DNM3: variants seen among roughly 807,000 people sequenced by gnomAD.
The protein encoded by DNM3 is dynamin-3.
In DNM3, 47 loss-of-function variants were observed where a neutral mutation model predicts 101.6. The observed-to-expected ratio is 0.46, with a 90% CI of 0.37 to 0.59. The LOEUF (loss-of-function observed/expected upper bound fraction) is 0.59, where lower values mean the gene tolerates loss of function less well. DNM3 is among the 20% of genes least tolerant of loss of function. The probability of loss-of-function intolerance (pLI) is 0.00; values close to 1 mark genes in which losing one functional copy is unlikely to be tolerated. For missense variants in DNM3, 849 were observed against 1,085.7 expected, an observed-to-expected ratio of 0.78 and a Z score of 3.06; for synonymous variants, 385 against 387.9, an observed-to-expected ratio of 0.99 and a Z score of 0.09.
At chr1:172,232,608 C>G (rs566139723) in intron 14 of DNM3, among the ~76,000 whole-genome samples, 3 of 152,330 alleles carry the variant, frequency 2.0e-5, no homozygotes, top group Admixed American at 1.3e-4. Context: ...CCACACCACA[C>G]TTGTTCCAAA....
intron 14 of DNM3, among the ~76,000 whole-genome samples, chr1:172,246,037 G>A (rs536847948): frequency 1.3e-5 from 2 of 152,272 alleles, no homozygotes; most frequent in South Asian, 2.1e-4. Flanking sequence ...ATGGTGGCAG[G>A]AGAGAGAAAG....
chr1:171,922,077 A>T (rs981140163), intron 2 of DNM3, among the ~76,000 whole-genome samples: 1 of 152,010 alleles, frequency 6.6e-6, no homozygotes, highest in Non-Finnish European at 1.5e-5. Context: ...ATCCATCTAT[A>T]TAATTTTACA....
intron 18 of DNM3, among the ~76,000 whole-genome samples, chr1:172,382,395 C>T (rs112527443): frequency 3.3e-5 from 5 of 152,152 alleles, no homozygotes; most frequent in Non-Finnish European, 7.4e-5. Context: ...AAAATGTGTT[C>T]GGTGTGGCAA....
intron 1 of DNM3, among the ~76,000 whole-genome samples, chr1:171,870,151 G>C (rs1026143768): frequency 3.3e-5 from 5 of 152,130 alleles, no homozygotes; most frequent in African/African-American, 1.2e-4. Context: ...TAGCACGTTT[G>C]CTATTACATT....
rs573369888 is a variant in DNM3 at position 172,040,653 on chromosome 1, T to C, written c.993-1356T>C. Among the ~76,000 whole-genome samples, 6 of 152,218 alleles carry C rather than the reference T, an allele frequency of 3.9e-5. No homozygotes were observed. In the East Asian group the frequency reaches 5.8e-4, roughly 15 times the overall value. On this transcript the variant is annotated intron_variant, in intron 7 of 20. Transcript: ENST00000627582. ...TGACTAATAGACATGGCAATGTTAA[T>C]GTACTGTGCCAAATGCTCTGCAGGA... is the stretch of plus-strand genomic sequence containing the variant.
chr1:172,036,233 C>A (rs1326455834), intron 6 of DNM3, among the ~76,000 whole-genome samples: 1 of 143,000 alleles, frequency 7.0e-6, no homozygotes, highest in East Asian at 2.1e-4. Flanking sequence ...TCAATTCCCA[C>A]CTATGAGTGA....
intron 7 of DNM3, among the ~76,000 whole-genome samples, chr1:172,040,825 G>C (rs1344446059): frequency 1.3e-5 from 2 of 151,576 alleles, no homozygotes; most frequent in Admixed American, 1.3e-4. Context: ...AAGGGACAGA[G>C]AGAATGGTGT....
chr1:171,940,249 C>T (rs1465959079), intron 2 of DNM3, among the ~76,000 whole-genome samples: 1 of 152,098 alleles, frequency 6.6e-6, no homozygotes, highest in Non-Finnish European at 1.5e-5. Flanking sequence ...TCCTGCAAGC[C>T]TGGTGGAATT....
chr1:171,845,631 T>C (rs2031959773), intron 1 of DNM3, among the ~76,000 whole-genome samples: 1 of 152,248 alleles, frequency 6.6e-6, no homozygotes, highest in African/African-American at 2.4e-5. Context: ...CCTTGCCTCA[T>C]TTCACAGAAG....
chr1:172,391,484 C>G (rs908795267), intron 20 of DNM3, among the ~76,000 whole-genome samples: 1 of 151,856 alleles, frequency 6.6e-6, no homozygotes, highest in Non-Finnish European at 1.5e-5. Context: ...CAAATACAAG[C>G]CAGAAATGGG....
intron 2 of DNM3, among the ~76,000 whole-genome samples, chr1:171,941,320 C>T (rs2041797615): frequency 6.6e-6 from 1 of 152,034 alleles, no homozygotes; most frequent in South Asian, 2.1e-4. Flanking sequence ...GGTATTTATT[C>T]TCACCTGTTG....
At chr1:172,052,392 G>C (rs183193169) in intron 10 of DNM3, among the ~76,000 whole-genome samples, 3 of 152,160 alleles carry the variant, frequency 2.0e-5, no homozygotes, top group South Asian at 4.2e-4. Flanking sequence ...ATATATCTAT[G>C]TCTGTCCTAA....
intron 1 of DNM3, among the ~76,000 whole-genome samples, chr1:171,861,006 G>T (rs911450740): frequency 6.6e-6 from 1 of 151,978 alleles, no homozygotes; most frequent in Non-Finnish European, 1.5e-5. Context: ...TTTAACTGAA[G>T]ATATTAATCA....
At chr1:171,987,628 T>C in intron 2 of DNM3, 28 bp from the exon 3 acceptor site, 1 of 1,539,026 alleles carries the variant, frequency 6.5e-7, no homozygotes, top group Non-Finnish European at 8.7e-7. Context: ...TGAATTTAAG[T>C]TGTGTCATTT....
chr1:171,877,309 T>C (rs1396403708), intron 1 of DNM3, among the ~76,000 whole-genome samples: 1 of 152,208 alleles, frequency 6.6e-6, no homozygotes, highest in African/African-American at 2.4e-5. Flanking sequence ...AAACATATTC[T>C]TAAATGAAAT....
chr1:172,254,184 C>T lies in DNM3; in HGVS notation c.1769+502C>T, dbSNP rs190053187. 3.9e-5 allele frequency among the ~76,000 whole-genome samples: 6 copies of T among 152,206 alleles called. No homozygotes were observed. The East Asian group carries it at 9.6e-4, about 24-fold the overall frequency. ...CAAGAGATTCTCCTGCCTTGGCCTC[C>T]CAAAGTGCTGGGATTACAGGCATGA... On this transcript the variant is annotated intron_variant, in intron 15 of 20. Transcript: ENST00000627582.
chr1:171,850,118 G>A (rs1372741744), intron 1 of DNM3, among the ~76,000 whole-genome samples: 2 of 152,200 alleles, frequency 1.3e-5, no homozygotes, highest in Non-Finnish European at 2.9e-5. Context: ...TACTTAGCAA[G>A]AGTATGGTCT....
At chr1:172,114,693 A>G (rs1307274049) in intron 13 of DNM3, among the ~76,000 whole-genome samples, 2 of 152,164 alleles carry the variant, frequency 1.3e-5, no homozygotes, top group African/African-American at 4.8e-5. Flanking sequence ...TTGTCCTCCA[A>G]CAGTAGGTAC....
Position 171,912,734 on chromosome 1 carries a change from G to T in DNM3, c.162-9014G>T, listed in dbSNP as rs1050862995. Among the ~76,000 whole-genome samples, 7 of 152,192 alleles carry T rather than the reference G, an allele frequency of 4.6e-5. No homozygotes were observed. The South Asian group carries it at 8.3e-4, about 18-fold the overall frequency. On this transcript the variant is annotated intron_variant, in intron 1 of 20. Coordinates refer to ENST00000627582, the MANE Select transcript of DNM3 (RefSeq NM_015569.5). Reference sequence around the variant, plus strand: ...AGTTAGTCATGTGGACACCCCATTTGCAAGGGAGGCTGGGAAATGCAGATT... The same window carrying T: ...AGTTAGTCATGTGGACACCCCATTTTCAAGGGAGGCTGGGAAATGCAGATT...
Sources: gnomAD v4.1 joint callset for allele counts (sites outside exome capture counted in the v4.1 genomes callset) on GRCh38, gnomAD v4.1.1 for gene constraint, MANE v1.5 for transcripts, NCBI Gene and HGNC (gene_info 2026-07-23, HGNC 2026-07-21) for gene names.